Variants in SYNE1 observed in about 807,000 individuals in gnomAD.
SYNE1 encodes the protein spectrin repeat containing nuclear envelope protein 1, also known as nesprin-1.
Under a neutral mutation model 1,111.0 loss-of-function variants are expected in SYNE1, and 616 were observed. The ratio of observed to expected loss-of-function variants is 0.55; its 90% CI spans 0.52 to 0.59. The LOEUF is 0.59. Among genes scored for constraint, SYNE1 ranks in the 20% least tolerant of loss-of-function variants. SYNE1 has a pLI of 0.00. For synonymous variants in SYNE1, 3,855 were observed against 3,825.8 expected, an observed-to-expected ratio of 1.01 and a Z score of -0.28; for missense variants, 10,006 against 10,417.0, an observed-to-expected ratio of 0.96 and a Z score of 1.72.
At chr6:152,367,089 G>T in intron 62 of SYNE1, 129 bp downstream of exon 62, 1 of 1,147,550 alleles carries the variant, frequency 8.7e-7, no homozygotes, top group Non-Finnish European at 1.3e-6. Flanking sequence ...AGACAGCGTT[G>T]CACTCACAAA....
intron 40 of SYNE1, 108 bp downstream of exon 40, chr6:152,419,461 A>G: frequency 8.6e-7 from 1 of 1,162,894 alleles, no homozygotes; most frequent in Non-Finnish European, 1.2e-6. Context: ...ATAAAAAGTT[A>G]AATTCTCACC....
At chr6:152,122,778 C>A in intron 145 of SYNE1, 102 bp from the exon 146 acceptor site, 3 of 1,571,868 alleles carry the variant, frequency 1.9e-6, no homozygotes, top group Non-Finnish European at 2.6e-6. Context: ...CCATGCCAAG[C>A]ACACCCCAGC....
rs535512420 is a variant in SYNE1 at position 152,582,860 on chromosome 6, A to C, written c.68-42839T>G. On this transcript the variant is annotated intron_variant, in intron 3 of 145. Transcript: ENST00000367255. ...TGTGGCCTTTTCAAAATTTGCTGAA[A>C]TCTGTAATTCTACAATATAAATTTA... Among the ~76,000 whole-genome samples, 53 of 152,222 alleles carry C rather than the reference A, an allele frequency of 3.5e-4. No homozygotes were observed. The East Asian group carries it at 0.01, about 29-fold the overall frequency.
At chr6:152,165,261 GTATTT>G (rs1323831448) in intron 130 of SYNE1, among the ~76,000 whole-genome samples, 3 of 152,110 alleles carry the variant, frequency 2.0e-5, no homozygotes, top group Non-Finnish European at 2.9e-5. Flanking sequence ...CATAATCAAA[GTATTT>G]TGAACATTTG....
chr6:152,397,383 G>T (rs541269236), intron 49 of SYNE1, among the ~76,000 whole-genome samples: 60 of 152,176 alleles, frequency 3.9e-4, no homozygotes, highest in African/African-American at 1.4e-3. Context: ...TCTTTTCCTG[G>T]TCTGCATCTC....
chr6:152,182,994 G>T (rs541582327), intron 128 of SYNE1, among the ~76,000 whole-genome samples: 1 of 133,402 alleles, frequency 7.5e-6, no homozygotes, highest in Non-Finnish European at 1.6e-5. Context: ...AGTGAACTTG[G>T]GGTAGGGCCT....
chr6:152,176,073 C>G (rs559331963), intron 130 of SYNE1, among the ~76,000 whole-genome samples: 4 of 150,790 alleles, frequency 2.7e-5, no homozygotes, highest in African/African-American at 9.7e-5. Flanking sequence ...TACTGGTCAG[C>G]AGTTTCTTCC....
chr6:152,380,004 C>T (rs60570727), intron 56 of SYNE1, among the ~76,000 whole-genome samples: 11,770 of 152,144 alleles, frequency 0.077, 1,201 homozygotes, highest in African/African-American at 0.24. Context: ...CCCTCTGTGA[C>T]AGAACTGATT....
chr6:152,523,095 C>T (rs984989231), intron 5 of SYNE1, among the ~76,000 whole-genome samples: 1 of 151,800 alleles, frequency 6.6e-6, no homozygotes, highest in African/African-American at 2.4e-5. Context: ...GTTGCATTTG[C>T]TCTTAGGGTC....
Position 152,206,363 on chromosome 6 carries a change from C to A in SYNE1, c.22825-1G>T. On this transcript the variant is annotated splice_acceptor_variant, in intron 125 of 145. Transcript: ENST00000367255. LOFTEE classifies it high-confidence loss of function. ...GCCGCAGAAACACTTTTTCTTTGAA[C>A]TGAAAGGAACCATAGCTTTTTATTT... 6.2e-7 allele frequency: 1 copy of A among 1,613,650 alleles called. No homozygotes were observed. Among genetic ancestry groups the A allele is most frequent in the Non-Finnish European group, 8.5e-7 (1 of 1,179,904 alleles).
chr6:152,224,208 G>A (rs2080922380), intron 117 of SYNE1, among the ~76,000 whole-genome samples: 1 of 152,142 alleles, frequency 6.6e-6, no homozygotes, highest in Non-Finnish European at 1.5e-5. Flanking sequence ...GAATCAAGGA[G>A]GTTCAGTTGG....
intron 3 of SYNE1, among the ~76,000 whole-genome samples, chr6:152,590,281 T>C (rs947041901): frequency 6.6e-6 from 1 of 151,812 alleles, no homozygotes; most frequent in African/African-American, 2.4e-5. Context: ...TTCATCTGAA[T>C]GAAATAGTCA....
intron 66 of SYNE1, among the ~76,000 whole-genome samples, chr6:152,355,631 ATTT>A (rs5880968): frequency 6.6e-6 from 1 of 151,928 alleles, no homozygotes; most frequent in Non-Finnish European, 1.5e-5. Context: ...AGCATATGCT[ATTT>A]TTTATAGGAC....
Position 152,140,048 on chromosome 6 carries a change from C to T in SYNE1, c.25360G>A (p.Ala8454Thr), listed in dbSNP as rs1339186976. The T allele has an allele frequency of 6.2e-7, 1 of 1,614,072 alleles. No individual in the cohort carries two copies. Residue 8454 changes from alanine to threonine, a missense_variant, in exon 140 of 146, where the codon GCC becomes ACC. Transcript: ENST00000367255. The part of the protein sequence containing the change: ...QFNSDLNSIW[A>T]WLGDTEEELE... ...TCCTCCTCCGTGTCCCCCAGCCAGG[C>T]CCAGATGCTGTTCAAGTCTGAGTTA...
intron 64 of SYNE1, among the ~76,000 whole-genome samples, chr6:152,361,550 T>C (rs1168760005): frequency 1.3e-5 from 2 of 152,084 alleles, no homozygotes; most frequent in African/African-American, 4.8e-5. Context: ...GGTGAGGTGA[T>C]ACAAATGAGC....
At chr6:152,320,475 T>C (rs1406914974) in intron 84 of SYNE1, among the ~76,000 whole-genome samples, 1 of 152,158 alleles carries the variant, frequency 6.6e-6, no homozygotes, top group Non-Finnish European at 1.5e-5. Flanking sequence ...ATAGAAGGGT[T>C]TTCATTAAAC....
chr6:152,389,421 A>C (rs76836311), intron 53 of SYNE1, among the ~76,000 whole-genome samples: 75 of 152,254 alleles, frequency 4.9e-4, no homozygotes, highest in African/African-American at 1.7e-3. Context: ...TTAATCTTCT[A>C]TTCATCTATT....
intron 115 of SYNE1, among the ~76,000 whole-genome samples, chr6:152,226,110 A>G (rs1171224900): frequency 6.6e-6 from 1 of 152,192 alleles, no homozygotes; most frequent in Non-Finnish European, 1.5e-5. Context: ...AAAATTTGAT[A>G]TTCTACCAGA....
At chr6:152,506,209 A>AT (rs923279541) in intron 8 of SYNE1, among the ~76,000 whole-genome samples, 4 of 152,014 alleles carry the variant, frequency 2.6e-5, no homozygotes, top group South Asian at 2.1e-4. Flanking sequence ...ACAATGAATG[A>AT]TTTTTTTTCC....
Sources: allele counts gnomAD v4.1 joint callset (sites outside exome capture counted in the v4.1 genomes callset), GRCh38; gene constraint gnomAD v4.1.1; transcripts MANE v1.5; gene names NCBI Gene and HGNC (gene_info 2026-07-23, HGNC 2026-07-21).